The following RHOT1 variants were observed in gnomAD, a reference collection of about 807,000 sequenced individuals.
RHOT1 encodes the protein ras homolog family member T1, also known as mitochondrial Rho GTPase 1.
A neutral mutation model predicts 95.3 loss-of-function variants in RHOT1; 27 were observed. That is an observed-to-expected ratio of 0.28 (90% confidence interval 0.21 to 0.39). RHOT1 has a LOEUF of 0.39. RHOT1 is among the 10% of genes least tolerant of loss of function. RHOT1 has a pLI of 1.00. For missense variants in RHOT1, 578 were observed against 786.7 expected (o/e 0.73, Z 3.17); for synonymous variants, 227 against 263.5 (o/e 0.86, Z 1.34).
chr17:32,183,980 C>G (rs1291363002), intron 8 of RHOT1, among the ~76,000 whole-genome samples: 3 of 152,230 alleles, frequency 2.0e-5, no homozygotes, highest in African/African-American at 7.2e-5. Flanking sequence ...GCCACTGCGC[C>G]CAGCCCCTTT....
Position 32,166,413 on chromosome 17 carries a change from T to C in RHOT1, c.38-4630T>C, listed in dbSNP as rs534060417. On this transcript the variant is annotated intron_variant, in intron 1 of 19. Transcript: ENST00000545287. ...GGGTGGTGATTCCTGAAGGCTGGGG[T>C]GGCTGTGGCAATTTCTTAAAATAAG... 3.3e-5 allele frequency among the ~76,000 whole-genome samples: 5 copies of C among 152,170 alleles called. No individual in the cohort carries two copies. The South Asian group carries it at 1.0e-3, about 32-fold the overall frequency.
At chr17:32,167,492 A>G (rs950719751) in intron 1 of RHOT1, among the ~76,000 whole-genome samples, 1 of 151,982 alleles carries the variant, frequency 6.6e-6, no homozygotes. Context: ...ATGCCCGGTT[A>G]ATTTTTGTAT....
intron 16 of RHOT1, among the ~76,000 whole-genome samples, chr17:32,205,976 T>G (rs2037693638): frequency 6.6e-6 from 1 of 152,144 alleles, no homozygotes; most frequent in African/African-American, 2.4e-5. Flanking sequence ...TTGCTTTTTG[T>G]TTTTGATTAG....
At chr17:32,149,373 ATCTT>A (rs1356298149) in intron 1 of RHOT1, among the ~76,000 whole-genome samples, 10 of 151,034 alleles carry the variant, frequency 6.6e-5, no homozygotes, top group African/African-American at 2.4e-4. Flanking sequence ...CTCATAAACA[ATCTT>A]TATTTTCTGA....
chr17:32,205,990 G>A (rs1000599055), intron 16 of RHOT1, among the ~76,000 whole-genome samples: 13 of 152,174 alleles, frequency 8.5e-5, no homozygotes, highest in Admixed American at 2.6e-4. Flanking sequence ...TGATTAGTGG[G>A]GAGAAAAGGT....
intron 1 of RHOT1, among the ~76,000 whole-genome samples, chr17:32,162,107 A>G (rs1461708350): frequency 1.3e-5 from 2 of 152,144 alleles, no homozygotes; most frequent in Non-Finnish European, 2.9e-5. Flanking sequence ...GCTTGACTCC[A>G]GCTGTTTCCC....
At chr17:32,170,388 C>T (rs1420738637) in intron 1 of RHOT1, among the ~76,000 whole-genome samples, 1 of 151,838 alleles carries the variant, frequency 6.6e-6, no homozygotes, top group Non-Finnish European at 1.5e-5. Flanking sequence ...GCACTCTAGC[C>T]TAGGCAACGG....
At position 32,224,613 on chromosome 17, in the gene RHOT1, C is replaced by T; in HGVS notation, c.1863-3C>T. ...AAATAATAATTATATTTTCTGACTG[C>T]AGGCACGTGACACAAGCTGACCTCA... On this transcript the variant is annotated splice_polypyrimidine_tract_variant and splice_region_variant and intron_variant, in intron 19 of 19. Transcript: ENST00000545287. 1.9e-6 allele frequency: 3 copies of T among 1,602,080 alleles called. No individual in the cohort carries two copies. The highest frequency in any genetic ancestry group is 1.7e-6 in the Non-Finnish European group (2 of 1,170,636).
At chr17:32,206,745 G>A (rs1039119166) in intron 16 of RHOT1, among the ~76,000 whole-genome samples, 165 bp from the exon 17 acceptor site, 6 of 152,096 alleles carry the variant, frequency 3.9e-5, no homozygotes, top group African/African-American at 1.2e-4. Context: ...GAGCCACCGC[G>A]CCCAGCCTTG....
At chr17:32,151,222 A>C (rs2032250519) in intron 1 of RHOT1, 3 of 743,972 alleles carry the variant, frequency 4.0e-6, no homozygotes. Flanking sequence ...GGCTAAACAG[A>C]GCTTCTAGTT....
chr17:32,194,536 T>TGTA (rs1470664753), intron 11 of RHOT1, among the ~76,000 whole-genome samples: 1 of 152,216 alleles, frequency 6.6e-6, no homozygotes, highest in Non-Finnish European at 1.5e-5. Flanking sequence ...AATTGCCGAA[T>TGTA]GTACCCTCTG....
At chr17:32,205,941 A>G (rs1260143539) in intron 16 of RHOT1, among the ~76,000 whole-genome samples, 1 of 152,214 alleles carries the variant, frequency 6.6e-6, no homozygotes, top group Non-Finnish European at 1.5e-5. Context: ...AACAGAACAA[A>G]AATGACCTTA....
At chr17:32,198,570 A>G (rs1219687118) in intron 11 of RHOT1, among the ~76,000 whole-genome samples, 2 of 152,226 alleles carry the variant, frequency 1.3e-5, no homozygotes, top group East Asian at 1.9e-4. Context: ...TTAGCCAGGC[A>G]TGGTAGTGTG....
intron 1 of RHOT1, among the ~76,000 whole-genome samples, chr17:32,169,428 G>C (rs1440742882): frequency 6.6e-6 from 1 of 152,098 alleles, no homozygotes; most frequent in Non-Finnish European, 1.5e-5. Context: ...TTTAAAGTTT[G>C]TGTATAAAAA....
At chr17:32,170,440 T>A (rs1053675183) in intron 1 of RHOT1, among the ~76,000 whole-genome samples, 5 of 152,104 alleles carry the variant, frequency 3.3e-5, no homozygotes, top group African/African-American at 1.2e-4. Context: ...TTTAAAAAAA[T>A]ATTAATATAA....
chr17:32,179,306 G>A, intron 6 of RHOT1: 1 of 149,372 alleles, frequency 6.7e-6, no homozygotes, highest in Non-Finnish European at 1.4e-5. Flanking sequence ...ACCCCGTCTG[G>A]GATGTGAGGA....
chr17:32,196,897 G>A (rs2036928085), intron 11 of RHOT1, among the ~76,000 whole-genome samples: 1 of 152,080 alleles, frequency 6.6e-6, no homozygotes, highest in South Asian at 2.1e-4. Context: ...GCTGAGGTGG[G>A]TGAATCACGA....
chr17:32,176,527 C>T (rs946342165), intron 6 of RHOT1, among the ~76,000 whole-genome samples: 3 of 151,534 alleles, frequency 2.0e-5, no homozygotes, highest in African/African-American at 4.9e-5. Context: ...CAAACTGCTG[C>T]TTGAAAAGTC....
intron 1 of RHOT1, among the ~76,000 whole-genome samples, chr17:32,167,283 T>G (rs2034170994): frequency 6.6e-6 from 1 of 152,132 alleles, no homozygotes; most frequent in Non-Finnish European, 1.5e-5. Context: ...TCATCCAGGC[T>G]TTGTTATTCC....
Sources: gnomAD v4.1 joint callset for allele counts (sites outside exome capture counted in the v4.1 genomes callset) on GRCh38, gnomAD v4.1.1 for gene constraint, MANE v1.5 for transcripts, NCBI Gene and HGNC (gene_info 2026-07-23, HGNC 2026-07-21) for gene names.